Variants in FEM1B observed in about 807,000 individuals in gnomAD.
The protein encoded by FEM1B is fem-1 homolog B.
A neutral mutation model predicts 38.6 loss-of-function variants in FEM1B; 10 were observed. The observed-to-expected ratio is 0.26, with a 90% CI of 0.16 to 0.44. The LOEUF is 0.44. FEM1B is among the 20% of genes least tolerant of loss of function. The probability of loss-of-function intolerance (pLI) is 1.00; values close to 1 mark genes in which losing one functional copy is unlikely to be tolerated. For missense variants in FEM1B, 471 were observed against 786.7 expected (o/e 0.60, Z 4.80); for synonymous variants, 288 against 288.0 (o/e 1.00, Z 0.00).
Position 68,291,479 on chromosome 15 carries a change from T to C in FEM1B, c.*237T>C. The C allele has an allele frequency of 2.3e-6, 1 of 429,260 alleles. No homozygotes were observed. Among genetic ancestry groups the C allele is most frequent in the East Asian group, 3.5e-5 (1 of 28,856 alleles). The allele number at this position is 429,260 out of a possible 1,614,324, so 26.6% of individuals were successfully genotyped here. A position where few individuals can be genotyped will look rare whatever the true frequency, so the allele number is the denominator to read the frequency against. ...ATAAGGTATTTGCATATTGGTTACCTATTTGTCTTTCTTTTTTTTAAAGGA... is the reference window on the plus strand; with the variant it reads ...ATAAGGTATTTGCATATTGGTTACCCATTTGTCTTTCTTTTTTTTAAAGGA... On this transcript the variant is annotated 3_prime_UTR_variant, in exon 2 of 2. Transcript: ENST00000306917. This position sits in a 1 kb window ranked among gnomAD's most constrained non-coding sequence, Gnocchi z 6.9.
rs944117583 is a variant in FEM1B, at chr15:68,284,112, C to T, written c.248+5447C>T. Among the ~76,000 whole-genome samples, 1 of 152,020 alleles carries T rather than the reference C, an allele frequency of 6.6e-6. No individual in the cohort carries two copies. Among genetic ancestry groups the T allele is most frequent in the African/African-American group, 2.4e-5 (1 of 41,380 alleles). On this transcript the variant is annotated intron_variant, in intron 1 of 1. Coordinates refer to ENST00000306917, the MANE Select transcript of FEM1B (RefSeq NM_015322.5). The surrounding 1 kb of genome is among the most constrained non-coding windows in gnomAD (Gnocchi z 4.4). ...GTTGGTCAGGCTGGTCTTGAACTAC[C>T]CACCTCAGGTGATCCACCCACCTTG... is the stretch of plus-strand genomic sequence containing the variant.
At position 68,281,005 on chromosome 15, in the gene FEM1B, C is replaced by G. The variant is rs1261326337; in HGVS notation, c.248+2340C>G. On this transcript the variant is annotated intron_variant, in intron 1 of 1. Coordinates refer to ENST00000306917, the MANE Select transcript of FEM1B (RefSeq NM_015322.5). The surrounding 1 kb of genome is among the most constrained non-coding windows in gnomAD (Gnocchi z 5.1). Reference sequence around the variant, plus strand: ...AATTAATAAAAGAGATATTGAAGTTCCTGGTACTCTCTGTGCATTCACACC... The same window carrying G: ...AATTAATAAAAGAGATATTGAAGTTGCTGGTACTCTCTGTGCATTCACACC... Among the ~76,000 whole-genome samples, 2 of 152,166 alleles carry G rather than the reference C, an allele frequency of 1.3e-5. No individual in the cohort carries two copies. The highest frequency in any genetic ancestry group is 3.8e-4 in the East Asian group (2 of 5,202).
Position 68,290,456 on chromosome 15 carries a change from G to A in FEM1B, c.1098G>A (p.Leu366=), listed in dbSNP as rs756806236. Residue 366 remains leucine (L), a synonymous_variant, in exon 2 of 2, where the codon TTG becomes TTA. Coordinates refer to ENST00000306917, the MANE Select transcript of FEM1B (RefSeq NM_015322.5). This position sits in a 1 kb window ranked among gnomAD's most constrained non-coding sequence, Gnocchi z 9.7. ...DNMEFEQCIK[L]WLHALHLRQK... ...TGGAATTTGAGCAGTGTATCAAGTTGTGGCTTCATGCCCTGCACCTCAGAC... is the reference window on the plus strand; with the variant it reads ...TGGAATTTGAGCAGTGTATCAAGTTATGGCTTCATGCCCTGCACCTCAGAC... 12 of 1,614,172 alleles carry A rather than the reference G, an allele frequency of 7.4e-6. No individual in the cohort carries two copies. Among genetic ancestry groups the A allele is most frequent in the Non-Finnish European group, 9.3e-6 (11 of 1,180,016 alleles).
Position 68,289,948 on chromosome 15 carries a change from C to T in FEM1B, c.590C>T (p.Ala197Val), listed in dbSNP as rs1892828241. Reference sequence around the variant, plus strand: ...ACAGCATTGCACTTTGCAGCTGAAGCTGGGCACATAGATATTGTGAAAGAG... The same window carrying T: ...ACAGCATTGCACTTTGCAGCTGAAGTTGGGCACATAGATATTGTGAAAGAG... ...GATALHFAAEAGHIDIVKELI... is the reference protein window; with the variant it reads ...GATALHFAAEVGHIDIVKELI... The change falls in exon 2 of 2, where the codon GCT becomes GTT. Residue 197 changes from alanine (A) to valine (V), a missense_variant. Transcript: ENST00000306917. This position sits in a 1 kb window ranked among gnomAD's most constrained non-coding sequence, Gnocchi z 6.9. 6.2e-7 allele frequency: 1 copy of T among 1,614,170 alleles called. No individual in the cohort carries two copies. The highest frequency in any genetic ancestry group is 1.7e-5 in the Admixed American group (1 of 60,016).
In FEM1B at chr15:68,280,699, C is replaced by T. The variant is rs1478108101; in HGVS notation, c.248+2034C>T. Among the ~76,000 whole-genome samples, 1 of 152,138 alleles carries T rather than the reference C, an allele frequency of 6.6e-6. No homozygotes were observed. The highest frequency in any genetic ancestry group is 2.4e-5 in the African/African-American group (1 of 41,424). On this transcript the variant is annotated intron_variant, in intron 1 of 1. Transcript: ENST00000306917. This position sits in a 1 kb window ranked among gnomAD's most constrained non-coding sequence, Gnocchi z 4.2. ...CAATTAAGAAAGAGATTGTGGGAGA[C>T]TGGAGAGAGCTGGAGCCCAGATTTT...
intron 1 of FEM1B, among the ~76,000 whole-genome samples, chr15:68,285,065 C>A (rs1017118978): frequency 6.6e-6 from 1 of 152,218 alleles, no homozygotes; most frequent in Non-Finnish European, 1.5e-5. Context: ...AATACAGCTT[C>A]TGTCACCACA....
rs751178175 is a variant in FEM1B, at chr15:68,280,606, G to T, written c.248+1941G>T. Among the ~76,000 whole-genome samples, 2 of 152,136 alleles carry T rather than the reference G, an allele frequency of 1.3e-5. No homozygotes were observed. Among genetic ancestry groups the T allele is most frequent in the Admixed American group, 6.6e-5 (1 of 15,266 alleles). On this transcript the variant is annotated intron_variant, in intron 1 of 1. Transcript: ENST00000306917. This position sits in a 1 kb window ranked among gnomAD's most constrained non-coding sequence, Gnocchi z 4.2. ...TAGTAGTAGGACATGAAGAAGAGGGGCAGCAGCTTGGTGCCCTTGCAGTGA... is the reference window on the plus strand; with the variant it reads ...TAGTAGTAGGACATGAAGAAGAGGGTCAGCAGCTTGGTGCCCTTGCAGTGA...
In FEM1B at chr15:68,294,171, A is replaced by G. The variant is rs1272567426; in HGVS notation, c.*2929A>G. The G allele has an allele frequency of 6.6e-6, 1 of 152,156 alleles. No homozygotes were observed. Among genetic ancestry groups the G allele is most frequent in the African/African-American group, 2.4e-5 (1 of 41,444 alleles). The allele number at this position is 152,156 out of a possible 1,614,324, so 9.4% of individuals were successfully genotyped here. ...AAACCCATCCCCTCGATTGATAAAG[A>G]AGGGGAACATTTTTACATTAGAACT... On this transcript the variant is annotated 3_prime_UTR_variant, in exon 2 of 2. Coordinates refer to ENST00000306917, the MANE Select transcript of FEM1B (RefSeq NM_015322.5). The surrounding 1 kb of genome is among the most constrained non-coding windows in gnomAD (Gnocchi z 4.4).
chr15:68,287,476 T>TAAAC (rs970639962), intron 1 of FEM1B, among the ~76,000 whole-genome samples: 2 of 152,204 alleles, frequency 1.3e-5, no homozygotes, highest in South Asian at 2.1e-4. Flanking sequence ...CTTTTGTTTA[T>TAAAC]AAACATTTTG....
rs914309289 is a variant in FEM1B at position 68,294,360 on chromosome 15, T to G, written c.*3118T>G. 1 of 152,278 alleles carries G rather than the reference T, an allele frequency of 6.6e-6. No homozygotes were observed. The highest frequency in any genetic ancestry group is 2.4e-5 in the African/African-American group (1 of 41,558). 9.4% of individuals were successfully genotyped at this position (152,278 alleles called of 1,614,324 possible). On this transcript the variant is annotated 3_prime_UTR_variant, in exon 2 of 2. Coordinates refer to ENST00000306917, the MANE Select transcript of FEM1B (RefSeq NM_015322.5). The surrounding 1 kb of genome is among the most constrained non-coding windows in gnomAD (Gnocchi z 4.4). ...GTTTCTGAGAAGGGTTTTATTTCATTATACTAATAGTGGACTAATAATTGG... is the reference window on the plus strand; with the variant it reads ...GTTTCTGAGAAGGGTTTTATTTCATGATACTAATAGTGGACTAATAATTGG...
intron 1 of FEM1B, among the ~76,000 whole-genome samples, chr15:68,283,227 T>C (rs766931623): frequency 5.3e-5 from 8 of 152,256 alleles, no homozygotes; most frequent in Non-Finnish European, 1.2e-4. Context: ...TTTTTGTCTC[T>C]TTTCATCTCT....
chr15:68,285,042 G>A (rs779248177), intron 1 of FEM1B, among the ~76,000 whole-genome samples: 6 of 152,168 alleles, frequency 3.9e-5, no homozygotes, highest in East Asian at 1.9e-4. Flanking sequence ...TATCAGCAGC[G>A]TGAAAATGGA....
Position 68,278,790 on chromosome 15 carries a change from A to G in FEM1B, c.248+125A>G, listed in dbSNP as rs955851870. ...TACTCACTTCTCCCCTTTTTGTACC[A>G]CCTCCTGCCCCACTAATGCCCACTT... On this transcript the variant is annotated intron_variant, in intron 1 of 1. Transcript: ENST00000306917. This position sits in a 1 kb window ranked among gnomAD's most constrained non-coding sequence, Gnocchi z 5.7. The G allele has an allele frequency of 9.1e-7, 1 of 1,093,816 alleles. No homozygotes were observed. Among genetic ancestry groups the G allele is most frequent in the Non-Finnish European group, 1.3e-6 (1 of 756,184 alleles). The allele number at this position is 1,093,816 out of a possible 1,614,324, so 67.8% of individuals were successfully genotyped here. A position where few individuals can be genotyped will look rare whatever the true frequency, so the allele number is the denominator to read the frequency against.
chr15:68,286,800 C>CA (rs528063212), intron 1 of FEM1B, among the ~76,000 whole-genome samples: 4 of 144,920 alleles, frequency 2.8e-5, no homozygotes, highest in Admixed American at 6.8e-5. Flanking sequence ...AAAAACATAA[C>CA]AAAAAAATAA....
chr15:68,285,927 CTT>C (rs34999248), intron 1 of FEM1B, among the ~76,000 whole-genome samples: 14 of 133,318 alleles, frequency 1.1e-4, no homozygotes, highest in Admixed American at 3.0e-4. Flanking sequence ...ACGGTTAATG[CTT>C]TTTTTTTTTT....
In FEM1B at chr15:68,284,290, G is replaced by A. The variant is rs1002599347; in HGVS notation, c.249-5317G>A. Among the ~76,000 whole-genome samples, 3 of 152,084 alleles carry A rather than the reference G, an allele frequency of 2.0e-5. No individual in the cohort carries two copies. In the East Asian group the frequency reaches 5.8e-4, roughly 29 times the overall value. On this transcript the variant is annotated intron_variant, in intron 1 of 1. Coordinates refer to ENST00000306917, the MANE Select transcript of FEM1B (RefSeq NM_015322.5). The surrounding 1 kb of genome is among the most constrained non-coding windows in gnomAD (Gnocchi z 4.4). Reference sequence around the variant, plus strand: ...ATAGTACCTACCTCACAGGATTATTGTGAAGATTAAGTGAGATATTTTGCA... The same window carrying A: ...ATAGTACCTACCTCACAGGATTATTATGAAGATTAAGTGAGATATTTTGCA...
intron 1 of FEM1B, among the ~76,000 whole-genome samples, chr15:68,282,733 C>G (rs1387358085): frequency 6.6e-6 from 1 of 152,138 alleles, no homozygotes; most frequent in African/African-American, 2.4e-5. Context: ...TTAGTAAATA[C>G]TGCATTAATT....
rs1892844465 is a variant in FEM1B, at chr15:68,291,245, G to T, written c.*3G>T. The T allele has an allele frequency of 9.5e-6, 15 of 1,574,166 alleles. No homozygotes were observed. The East Asian group carries it at 3.4e-4, about 35-fold the overall frequency. ...AAGAGTTTGTTGGATTTCATTAAGTGACTGGATATGTAAAGTCGTTTAATG... is the reference window on the plus strand; with the variant it reads ...AAGAGTTTGTTGGATTTCATTAAGTTACTGGATATGTAAAGTCGTTTAATG... On this transcript the variant is annotated 3_prime_UTR_variant, in exon 2 of 2. Transcript: ENST00000306917. This position sits in a 1 kb window ranked among gnomAD's most constrained non-coding sequence, Gnocchi z 6.9.
chr15:68,290,541 A>G lies in FEM1B; in HGVS notation c.1183A>G (p.Met395Val), dbSNP rs774331177. The change falls in exon 2 of 2, where the codon ATG (methionine) becomes GTG (valine). Residue 395 changes from methionine to valine, a missense_variant. Physicochemically the swap from Met to Val is conservative, Grantham distance 21 (BLOSUM62 1). Coordinates refer to ENST00000306917, the MANE Select transcript of FEM1B (RefSeq NM_015322.5). This position sits in a 1 kb window ranked among gnomAD's most constrained non-coding sequence, Gnocchi z 9.7. The stretch of plus-strand genomic sequence containing the variant: ...TCGATTTGCTCAAGTTTTCTCACAA[A>G]TGATACATTTGAATGAAACTGTGAA... ...LLRFAQVFSQ[M>V]IHLNETVKAP... 1 of 1,614,194 alleles carries G rather than the reference A, an allele frequency of 6.2e-7. No individual in the cohort carries two copies. The highest frequency in any genetic ancestry group is 1.7e-5 in the Admixed American group (1 of 60,024).
Sources: allele counts gnomAD v4.1 joint callset (sites outside exome capture counted in the v4.1 genomes callset), GRCh38; gene constraint gnomAD v4.1.1; non-coding constraint Gnocchi (gnomAD v3.1); transcripts MANE v1.5; gene names NCBI Gene and HGNC (gene_info 2026-07-23, HGNC 2026-07-21).